The following SUPT5H variants were observed in gnomAD, a reference collection of about 807,000 sequenced individuals.
SUPT5H encodes transcription elongation factor SPT5.
Under a neutral mutation model 142.5 loss-of-function variants are expected in SUPT5H, and 24 were observed. The observed-to-expected ratio is 0.17, with a 90% CI of 0.12 to 0.24. The LOEUF (loss-of-function observed/expected upper bound fraction) is 0.24. Ranked by LOEUF, SUPT5H falls within the 10% of genes least tolerant of loss-of-function variation. SUPT5H has a pLI of 1.00. For missense variants in SUPT5H, 893 were observed against 1,471.8 expected, an observed-to-expected ratio of 0.61 and a Z score of 6.43; for synonymous variants, 546 against 553.0, an observed-to-expected ratio of 0.99 and a Z score of 0.18.
chr19:39,453,862 T>A (rs947895266), intron 3 of SUPT5H, among the ~76,000 whole-genome samples: 1 of 152,220 alleles, frequency 6.6e-6, no homozygotes, highest in Non-Finnish European at 1.5e-5. Context: ...ACCAAAGTTC[T>A]TAACTTTTCT....
Position 39,458,451 on chromosome 19 carries a change from G to C in SUPT5H, c.319+146G>C. 7.2e-7 allele frequency: 1 copy of C among 1,394,908 alleles called. No individual in the cohort carries two copies. Among genetic ancestry groups the C allele is most frequent in the Non-Finnish European group, 9.8e-7 (1 of 1,025,510 alleles). The allele number at this position is 1,394,908 out of a possible 1,614,324, so 86.4% of individuals were successfully genotyped here. A position where few individuals can be genotyped will look rare whatever the true frequency, so the allele number is the denominator to read the frequency against. ...CTGACCCATGTAGGATCCAGAGTCA[G>C]GGAGTTCTGGGGCCAGGTATACCCC... On this transcript the variant is annotated intron_variant, in intron 5 of 29. Coordinates refer to ENST00000432763, the MANE Select transcript of SUPT5H (RefSeq NM_001111020.3). This position sits in a 1 kb window ranked among gnomAD's most constrained non-coding sequence, Gnocchi z 4.2.
At chr19:39,454,492 G>A (rs150778891) in intron 3 of SUPT5H, among the ~76,000 whole-genome samples, 2,185 of 151,640 alleles carry the variant, frequency 0.014, 47 homozygotes, top group African/African-American at 0.05. Context: ...CTACGGGCAC[G>A]TGCCACCATG....
chr19:39,450,716 G>A (rs1193696030), intron 2 of SUPT5H, among the ~76,000 whole-genome samples: 1 of 152,148 alleles, frequency 6.6e-6, no homozygotes, highest in Admixed American at 6.5e-5. Flanking sequence ...GCTTTTAGGT[G>A]GAATAAGGAC....
intron 8 of SUPT5H, 47 bp downstream of exon 8, chr19:39,459,296 T>C (rs1463562167): frequency 1.3e-6 from 2 of 1,548,612 alleles, no homozygotes; most frequent in South Asian, 2.4e-5. Flanking sequence ...GCGAATCTTG[T>C]ATGGGGTGAT....
rs767777416 is a variant in SUPT5H at position 39,471,367 on chromosome 19, T to C, written c.1688T>C (p.Met563Thr). 105 of 1,613,982 alleles carry C rather than the reference T, an allele frequency of 6.5e-5. No homozygotes were observed. The highest frequency in any genetic ancestry group is 8.8e-5 in the Non-Finnish European group (104 of 1,180,022). The stretch of plus-strand genomic sequence containing the variant: ...GCTCTCCCTCTGTAGGTGCTGAACA[T>C]GTACGGGAAGGTGGTGACTGTCAGA... ...LERETFQVLN[M>T]YGKVVTVRHQ... is the part of the protein sequence containing the mutation. Residue 563 changes from methionine (M) to threonine (T), a missense_variant, in exon 19 of 30, where the codon ATG becomes ACG. This residue lies in a region of SUPT5H where 428 missense variants were observed against 763.5 expected (regional missense o/e 0.56). Coordinates refer to ENST00000432763, the MANE Select transcript of SUPT5H (RefSeq NM_001111020.3).
rs762278959 is a variant in SUPT5H at position 39,474,188 on chromosome 19, C to T, written c.2652-46C>T. ...CCCTCCTACTGCCACCACCTCTTTTCCCCTCCCTCCTCCAACAAATGCCCC... is the reference window on the plus strand; with the variant it reads ...CCCTCCTACTGCCACCACCTCTTTTTCCCTCCCTCCTCCAACAAATGCCCC... On this transcript the variant is annotated intron_variant, in intron 26 of 29. Transcript: ENST00000432763. The surrounding 1 kb of genome is among the most constrained non-coding windows in gnomAD (Gnocchi z 6.5). 3.7e-6 allele frequency: 6 copies of T among 1,612,412 alleles called. No homozygotes were observed. Among genetic ancestry groups the T allele is most frequent in the African/African-American group, 1.3e-5 (1 of 74,866 alleles).
chr19:39,471,290 G>C, intron 18 of SUPT5H, 67 bp from the exon 19 acceptor site: 2 of 1,591,022 alleles, frequency 1.3e-6, no homozygotes, highest in Non-Finnish European at 1.7e-6. Context: ...CCCACTTTAG[G>C]GAACCCCTGC....
chr19:39,453,401 G>C lies in SUPT5H; in HGVS notation c.121G>C (p.Glu41Gln). 1.2e-6 allele frequency: 2 copies of C among 1,601,362 alleles called. No individual in the cohort carries two copies. Among genetic ancestry groups the C allele is most frequent in the Non-Finnish European group, 1.7e-6 (2 of 1,173,662 alleles). The change falls in exon 3 of 30, where the codon GAG (glutamate) becomes CAG (glutamine). Residue 41 changes from glutamate (E) to glutamine (Q), a missense_variant. Coordinates refer to ENST00000432763, the MANE Select transcript of SUPT5H (RefSeq NM_001111020.3). ...RSAAGSEKEE[E>Q]PEDEEEEEEE... Reference sequence around the variant, plus strand: ...TGCAGCGGGCAGTGAGAAAGAAGAAGAGCCTGAGGACGAAGAGGAGGAGGA... The same window carrying C: ...TGCAGCGGGCAGTGAGAAAGAAGAACAGCCTGAGGACGAAGAGGAGGAGGA...
In SUPT5H at chr19:39,464,938, G is replaced by A. The variant is rs113643897; in HGVS notation, c.765G>A (p.Val255=). 1 of 1,614,208 alleles carries A rather than the reference G, an allele frequency of 6.2e-7. No individual in the cohort carries two copies. Residue 255 remains valine (V), a synonymous_variant, in exon 11 of 30, where the codon GTG becomes GTA. Coordinates refer to ENST00000432763, the MANE Select transcript of SUPT5H (RefSeq NM_001111020.3). ...TTGGCTACTGGAACCAGCAGATGGT[G>A]CCCATCAAGGAGATGACAGACGTGC... ...LRLGYWNQQM[V]PIKEMTDVLK... is the part of the protein sequence containing the mutation.
chr19:39,463,747 G>A (rs1214289688), intron 10 of SUPT5H, among the ~76,000 whole-genome samples: 2 of 152,154 alleles, frequency 1.3e-5, no homozygotes, highest in South Asian at 2.1e-4. Flanking sequence ...TGAAAGCAGG[G>A]TATTGCAGTC....
At position 39,473,248 on chromosome 19, in the gene SUPT5H, G is replaced by A. The variant is rs374930575; in HGVS notation, c.2304G>A (p.Thr768=). The A allele has an allele frequency of 8.7e-6, 14 of 1,613,486 alleles. No individual in the cohort carries two copies. The highest frequency in any genetic ancestry group is 2.2e-5 in the East Asian group (1 of 44,888). ...PGGMTSTYGR[T]PMYGSQTPMY... The stretch of plus-strand genomic sequence containing the variant: ...GCATGACCTCGACCTATGGGAGGAC[G>A]CCCATGTATGGCTCCCAGACGCCCA... Residue 768 remains threonine (T), a synonymous_variant, in exon 24 of 30, where the codon ACG becomes ACA. Coordinates refer to ENST00000432763, the MANE Select transcript of SUPT5H (RefSeq NM_001111020.3). The surrounding 1 kb of genome is among the most constrained non-coding windows in gnomAD (Gnocchi z 5.8).
In SUPT5H at chr19:39,470,324, C is replaced by T. The variant is rs2079302236; in HGVS notation, c.1530+50C>T. The T allele has an allele frequency of 6.5e-7, 1 of 1,541,932 alleles. No individual in the cohort carries two copies. The highest frequency in any genetic ancestry group is 2.3e-5 in the East Asian group (1 of 43,098). ...AGGGTGCACGTGCCAAGAGGAGACC[C>T]AGGTAGGCGAGCCACCTGGACTGGG... On this transcript the variant is annotated intron_variant, in intron 17 of 29. Coordinates refer to ENST00000432763, the MANE Select transcript of SUPT5H (RefSeq NM_001111020.3). This position sits in a 1 kb window ranked among gnomAD's most constrained non-coding sequence, Gnocchi z 5.8.
chr19:39,472,582 G>T lies in SUPT5H; in HGVS notation c.2035+89G>T. 6.8e-7 allele frequency: 1 copy of T among 1,467,436 alleles called. No homozygotes were observed. 90.9% of individuals were successfully genotyped at this position (1,467,436 alleles called of 1,614,324 possible). A position where few individuals can be genotyped will look rare whatever the true frequency, so the allele number is the denominator to read the frequency against. On this transcript the variant is annotated intron_variant, in intron 21 of 29. Transcript: ENST00000432763. This position sits in a 1 kb window ranked among gnomAD's most constrained non-coding sequence, Gnocchi z 4.2. Reference sequence around the variant, plus strand: ...CAGCCTACACTCACTGAGTGCCTGTGCTGGGCTGGGCACTGCTATTAGGGG... The same window carrying T: ...CAGCCTACACTCACTGAGTGCCTGTTCTGGGCTGGGCACTGCTATTAGGGG...
At position 39,471,650 on chromosome 19, in the gene SUPT5H, C is replaced by T; in HGVS notation, c.1870C>T (p.Leu624=). Residue 624 remains leucine, a synonymous_variant, in exon 20 of 30, where the codon CTA becomes TTA. Transcript: ENST00000432763. ...IRHLFRSFAF[L]HCKKLVENGG... ...CCATCTCTTCCGAAGCTTCGCCTTC[C>T]TACATTGCAAGAAACTGGTGGAGAA... 6.2e-7 allele frequency: 1 copy of T among 1,614,178 alleles called. No individual in the cohort carries two copies. The highest frequency in any genetic ancestry group is 8.5e-7 in the Non-Finnish European group (1 of 1,180,000).
In SUPT5H at chr19:39,476,422, C is replaced by A. The variant is rs545073811; in HGVS notation, c.*23C>A. The stretch of plus-strand genomic sequence containing the variant: ...TGAAGCAGGCAGGGCCGGTGGACTT[C>A]GTCGGATGAAGAGTGATCCTCCTTC... On this transcript the variant is annotated 3_prime_UTR_variant, in exon 30 of 30. Coordinates refer to ENST00000432763, the MANE Select transcript of SUPT5H (RefSeq NM_001111020.3). 107 of 1,613,230 alleles carry A rather than the reference C, an allele frequency of 6.6e-5. No individual in the cohort carries two copies. Among genetic ancestry groups the A allele is most frequent in the Non-Finnish European group, 8.8e-5 (104 of 1,179,956 alleles).
Position 39,470,701 on chromosome 19 carries a change from C to T in SUPT5H, c.1677+178C>T, listed in dbSNP as rs948554160. ...GGCAAGTCATTGATCCCTCCCCTTG[C>T]CTGTTTTCACACCCTATAAAATGGA... On this transcript the variant is annotated intron_variant, in intron 18 of 29. Transcript: ENST00000432763. This position sits in a 1 kb window ranked among gnomAD's most constrained non-coding sequence, Gnocchi z 5.8. Among the ~76,000 whole-genome samples, 1 of 152,146 alleles carries T rather than the reference C, an allele frequency of 6.6e-6. No individual in the cohort carries two copies.
chr19:39,466,601 G>T lies in SUPT5H; in HGVS notation c.966+32G>T. ...AGGGGAATCTGTGGCCTGGGGGGGA[G>T]GGAGTGTGCTCGATCCCACTGGTGG... On this transcript the variant is annotated intron_variant, in intron 12 of 29. Transcript: ENST00000432763. This position sits in a 1 kb window ranked among gnomAD's most constrained non-coding sequence, Gnocchi z 4.3. 2 of 1,612,868 alleles carry T rather than the reference G, an allele frequency of 1.2e-6. No individual in the cohort carries two copies. The highest frequency in any genetic ancestry group is 2.2e-5 in the South Asian group (2 of 91,046).
Position 39,469,991 on chromosome 19 carries a change from C to T in SUPT5H, c.1375-128C>T. On this transcript the variant is annotated intron_variant, in intron 16 of 29. Coordinates refer to ENST00000432763, the MANE Select transcript of SUPT5H (RefSeq NM_001111020.3). The surrounding 1 kb of genome is among the most constrained non-coding windows in gnomAD (Gnocchi z 5.1). ...GGTCGTCCAGGTGGACTAAGGTAGTCTGGGGTGGGTGGTAAGAGCCTGAAG... is the reference window on the plus strand; with the variant it reads ...GGTCGTCCAGGTGGACTAAGGTAGTTTGGGGTGGGTGGTAAGAGCCTGAAG... The T allele has an allele frequency of 7.9e-7, 1 of 1,263,448 alleles. No individual in the cohort carries two copies. Among genetic ancestry groups the T allele is most frequent in the Non-Finnish European group, 1.1e-6 (1 of 905,544 alleles). The allele number at this position is 1,263,448 out of a possible 1,614,324, so 78.3% of individuals were successfully genotyped here.
chr19:39,457,621 G>T, intron 3 of SUPT5H, 54 bp from the exon 4 acceptor site: 1 of 1,595,078 alleles, frequency 6.3e-7, no homozygotes, highest in Non-Finnish European at 8.6e-7. Flanking sequence ...TTCGTGTCCT[G>T]GGAGCTGTTA....
Sources: gnomAD v4.1 joint callset for allele counts (sites outside exome capture counted in the v4.1 genomes callset) on GRCh38, gnomAD v4.1.1 for gene constraint, gnomAD v4.1.1 regional missense constraint, Gnocchi (gnomAD v3.1) non-coding constraint, MANE v1.5 for transcripts, NCBI Gene and HGNC (gene_info 2026-07-23, HGNC 2026-07-21) for gene names.